The following PPM1E variants were observed in gnomAD, a reference collection of about 807,000 sequenced individuals.
The protein encoded by PPM1E is protein phosphatase, Mg2+/Mn2+ dependent 1E, also known as protein phosphatase 1E.
PPM1E carries 20 observed loss-of-function variants against 65.9 expected under a neutral mutation model. That is an observed-to-expected ratio of 0.30 (90% CI 0.21 to 0.44). PPM1E has a LOEUF of 0.44. Ranked by LOEUF, PPM1E falls within the 20% of genes least tolerant of loss-of-function variation. PPM1E has a pLI of 1.00. For synonymous variants in PPM1E, 352 were observed against 374.9 expected, an observed-to-expected ratio of 0.94 and a Z score of 0.70; for missense variants, 713 against 953.1, an observed-to-expected ratio of 0.75 and a Z score of 3.32.
chr17:58,755,913 G>T lies in PPM1E; in HGVS notation c.-85G>T. 6.4e-7 allele frequency: 1 copy of T among 1,569,620 alleles called. No homozygotes were observed. The highest frequency in any genetic ancestry group is 8.6e-7 in the Non-Finnish European group (1 of 1,158,374). ...GGTGCGGCCGTTAACCGCCCTTGCC[G>T]GAGCCCTAGGCTCAAAAGCAGCCCC... On this transcript the variant is annotated 5_prime_UTR_variant, in exon 1 of 7. Transcript: ENST00000308249.
At chr17:58,756,492 C>T (rs908675231) in intron 1 of PPM1E, 31 bp downstream of exon 1, 2 of 1,266,126 alleles carry the variant, frequency 1.6e-6, no homozygotes, top group East Asian at 3.2e-5. Context: ...TGGTGGTGGG[C>T]CCGCGGTCCC....
intron 2 of PPM1E, among the ~76,000 whole-genome samples, chr17:58,956,922 G>A (rs2029884183): frequency 1.3e-5 from 2 of 152,156 alleles, no homozygotes; most frequent in South Asian, 4.1e-4. Flanking sequence ...TATCTCTGTA[G>A]ATTGTTTGTG....
intron 1 of PPM1E, among the ~76,000 whole-genome samples, chr17:58,936,001 G>A (rs897486089): frequency 1.3e-5 from 2 of 148,618 alleles, no homozygotes; most frequent in South Asian, 2.1e-4. Context: ...TCCTCAGAGT[G>A]TGATGTTCCC....
At chr17:58,923,516 T>G (rs1598652148) in intron 1 of PPM1E, among the ~76,000 whole-genome samples, 1 of 150,642 alleles carries the variant, frequency 6.6e-6, no homozygotes. Flanking sequence ...GAGGCCAAGG[T>G]GGACAGATCA....
chr17:58,837,320 A>AACACACACACAC (rs371754222), intron 1 of PPM1E, among the ~76,000 whole-genome samples: 13 of 120,240 alleles, frequency 1.1e-4, no homozygotes, highest in African/African-American at 2.0e-4. Context: ...GAATGAGAAT[A>AACACACACACAC]ACACACACAC....
At chr17:58,814,307 A>G (rs1323272839) in intron 1 of PPM1E, among the ~76,000 whole-genome samples, 1 of 152,196 alleles carries the variant, frequency 6.6e-6, no homozygotes, top group Non-Finnish European at 1.5e-5. Context: ...TTATTGAAGG[A>G]TAAAGGAGAA....
At chr17:58,964,772 G>A (rs543245984) in intron 2 of PPM1E, among the ~76,000 whole-genome samples, 14 of 152,190 alleles carry the variant, frequency 9.2e-5, no homozygotes, top group South Asian at 2.1e-4. Flanking sequence ...GGCCGGGTGC[G>A]GTGGCTCACG....
At chr17:58,938,556 C>G (rs890397615) in intron 1 of PPM1E, among the ~76,000 whole-genome samples, 1 of 152,028 alleles carries the variant, frequency 6.6e-6, no homozygotes, top group East Asian at 1.9e-4. Context: ...AAAGTGATTT[C>G]TGAGTATCTG....
At chr17:58,962,929 T>A (rs2030080779) in intron 2 of PPM1E, among the ~76,000 whole-genome samples, 2 of 150,550 alleles carry the variant, frequency 1.3e-5, no homozygotes, top group African/African-American at 4.9e-5. Flanking sequence ...CAAAAAAAAT[T>A]TTTTTTTAAA....
intron 1 of PPM1E, among the ~76,000 whole-genome samples, chr17:58,837,320 A>AACACACACACACAC (rs371754222): frequency 2.7e-4 from 33 of 120,278 alleles, no homozygotes; most frequent in South Asian, 6.0e-4. Flanking sequence ...GAATGAGAAT[A>AACACACACACACAC]ACACACACAC....
At chr17:58,810,145 T>A (rs185977387) in intron 1 of PPM1E, among the ~76,000 whole-genome samples, 137 of 152,336 alleles carry the variant, frequency 9.0e-4, no homozygotes, top group Middle Eastern at 3.4e-3. Context: ...ATAGCACAGA[T>A]CTAGAGGTCT....
chr17:58,878,399 C>T (rs1414514416), intron 1 of PPM1E, among the ~76,000 whole-genome samples: 1 of 151,782 alleles, frequency 6.6e-6, no homozygotes, highest in African/African-American at 2.4e-5. Context: ...CGTGCCACCA[C>T]ACCTGGCTAA....
chr17:58,970,445 A>G (rs751808560), intron 4 of PPM1E, among the ~76,000 whole-genome samples: 34 of 152,206 alleles, frequency 2.2e-4, no homozygotes, highest in Non-Finnish European at 5.9e-5. Context: ...AAGAATTTTT[A>G]ATTTTTAAAA....
chr17:58,828,997 A>G (rs1035908876), intron 1 of PPM1E, among the ~76,000 whole-genome samples: 6 of 152,104 alleles, frequency 3.9e-5, no homozygotes, highest in Non-Finnish European at 8.8e-5. Context: ...TTATGTATAT[A>G]TTGTTTACAA....
intron 1 of PPM1E, among the ~76,000 whole-genome samples, chr17:58,772,272 A>T (rs1258312881): frequency 1.3e-5 from 2 of 152,134 alleles, no homozygotes; most frequent in Non-Finnish European, 2.9e-5. Flanking sequence ...CCTGGCCAAT[A>T]TGGTGAAACC....
At chr17:58,971,097 T>C (rs531991018) in intron 4 of PPM1E, among the ~76,000 whole-genome samples, 2 of 152,252 alleles carry the variant, frequency 1.3e-5, no homozygotes, top group African/African-American at 4.8e-5. Flanking sequence ...CTCCTTCTTA[T>C]GCTTCCATGT....
At chr17:58,935,719 A>T (rs935217645) in intron 1 of PPM1E, among the ~76,000 whole-genome samples, 3 of 152,196 alleles carry the variant, frequency 2.0e-5, no homozygotes, top group African/African-American at 7.2e-5. Context: ...AAGACTTAGG[A>T]TAACTTTGGT....
chr17:58,852,286 A>G (rs1172782734), intron 1 of PPM1E, among the ~76,000 whole-genome samples: 1 of 152,142 alleles, frequency 6.6e-6, no homozygotes, highest in Non-Finnish European at 1.5e-5. Flanking sequence ...GACAAGCCCC[A>G]GTGAGATGAA....
At chr17:58,808,486 C>T (rs1388763635) in intron 1 of PPM1E, among the ~76,000 whole-genome samples, 1 of 151,840 alleles carries the variant, frequency 6.6e-6, no homozygotes, top group Non-Finnish European at 1.5e-5. Flanking sequence ...ATAAACTTAT[C>T]ATAGTCTTTT....
Sources: gnomAD v4.1 joint callset for allele counts (sites outside exome capture counted in the v4.1 genomes callset) on GRCh38, gnomAD v4.1.1 for gene constraint, MANE v1.5 for transcripts, NCBI Gene and HGNC (gene_info 2026-07-23, HGNC 2026-07-21) for gene names.